The following POLA1 variants were observed in gnomAD, a reference collection of about 807,000 sequenced individuals.
POLA1 encodes the protein DNA polymerase alpha 1, catalytic subunit.
POLA1 carries 15 observed loss-of-function variants against 124.0 expected under a neutral mutation model. The observed-to-expected ratio is 0.12, with a 90% CI of 0.08 to 0.19. The LOEUF (loss-of-function observed/expected upper bound fraction) is 0.19. POLA1 is among the 10% of genes least tolerant of loss of function. The probability of loss-of-function intolerance (pLI) is 1.00; values close to 1 mark genes in which losing one functional copy is unlikely to be tolerated. For missense variants in POLA1, 886 were observed against 1,103.4 expected, an observed-to-expected ratio of 0.80 and a Z score of 2.79; for synonymous variants, 408 against 389.4, an observed-to-expected ratio of 1.05 and a Z score of -0.56.
intron 34 of POLA1, among the ~76,000 whole-genome samples, chrX:24,875,164 T>C (rs1232713961): frequency 1.8e-5 from 2 of 111,025 alleles, no homozygotes; most frequent in Non-Finnish European, 3.8e-5. Flanking sequence ...AAAAATCACA[T>C]TGGAACAGAA....
intron 36 of POLA1, among the ~76,000 whole-genome samples, chrX:24,978,058 C>T (rs751694678): frequency 1.8e-5 from 2 of 112,127 alleles, no homozygotes; most frequent in South Asian, 7.5e-4. Flanking sequence ...TACTATTTTC[C>T]TCTTTCTTGG....
chrX:24,896,044 C>T (rs938019428), intron 35 of POLA1, among the ~76,000 whole-genome samples: 1 of 111,784 alleles, frequency 8.9e-6, no homozygotes, highest in African/African-American at 3.3e-5. Flanking sequence ...CTTTGTAATC[C>T]CAGTGCTCCC....
intron 5 of POLA1, 75 bp downstream of exon 5, chrX:24,714,744 A>C (rs1929711322): frequency 1.8e-6 from 1 of 563,953 alleles, no homozygotes; most frequent in Non-Finnish European, 2.9e-6. Context: ...TACAGATAAC[A>C]GGTGCTCTGT....
intron 26 of POLA1, among the ~76,000 whole-genome samples, chrX:24,808,435 T>G (rs1207548987): frequency 8.9e-6 from 1 of 112,435 alleles, no homozygotes; most frequent in African/African-American, 3.2e-5. Context: ...GGAATTGCCA[T>G]GATTATCTTA....
At chrX:24,751,793 G>T (rs1932335820) in intron 26 of POLA1, among the ~76,000 whole-genome samples, 1 of 112,071 alleles carries the variant, frequency 8.9e-6, no homozygotes. Context: ...GAGGTAGGAG[G>T]AGTGAAGTGA....
At chrX:24,714,441 G>A (rs1929684944) in intron 4 of POLA1, 113 bp from the exon 5 acceptor site, 1 of 470,387 alleles carries the variant, frequency 2.1e-6, no homozygotes, top group African/African-American at 2.4e-5. Flanking sequence ...CAGGCATGAT[G>A]TATTTTTAAT....
chrX:24,827,162 C>T (rs1196385835), intron 32 of POLA1, among the ~76,000 whole-genome samples: 1 of 112,158 alleles, frequency 8.9e-6, no homozygotes, highest in Non-Finnish European at 1.9e-5. Context: ...CGAGGAGGTA[C>T]CAGCCAACCC....
intron 26 of POLA1, among the ~76,000 whole-genome samples, chrX:24,782,674 A>G (rs1360736401): frequency 1.8e-5 from 2 of 110,697 alleles, no homozygotes; most frequent in Non-Finnish European, 3.8e-5. Context: ...AGTCCCTTAT[A>G]GTGGTCCCCA....
chrX:24,819,738 T>C lies in POLA1; in HGVS notation c.3430-1714T>C, dbSNP rs746857015. 4.5e-5 allele frequency among the ~76,000 whole-genome samples: 5 copies of C among 111,382 alleles called. No homozygotes were observed. The East Asian group carries it at 8.4e-4, about 19-fold the overall frequency. On this transcript the variant is annotated intron_variant, in intron 30 of 36. Coordinates refer to ENST00000379068, the MANE Select transcript of POLA1 (RefSeq NM_001330360.2). Reference sequence around the variant, plus strand: ...GTGCCATGGTGGTTTGCTGCACTTATCAACCCGTCATCTAGGTTTTAAGCC... The same window carrying C: ...GTGCCATGGTGGTTTGCTGCACTTACCAACCCGTCATCTAGGTTTTAAGCC...
At chrX:24,980,513 C>A (rs2048409267) in intron 36 of POLA1, among the ~76,000 whole-genome samples, 1 of 112,163 alleles carries the variant, frequency 8.9e-6, no homozygotes. Context: ...GCAGTAGTTA[C>A]AATAAACACA....
intron 31 of POLA1, among the ~76,000 whole-genome samples, chrX:24,823,545 GCACGCGCCA>G (rs2046123361): frequency 9.0e-6 from 1 of 110,864 alleles, no homozygotes; most frequent in Non-Finnish European, 1.9e-5. Context: ...GGGATTACAG[GCACGCGCCA>G]CCATGCCCAG....
At chrX:24,702,966 G>C (rs1395464451) in intron 2 of POLA1, among the ~76,000 whole-genome samples, 1 of 112,116 alleles carries the variant, frequency 8.9e-6, no homozygotes, top group Non-Finnish European at 1.9e-5. Context: ...AATTCAGTTT[G>C]TTTTTTATGA....
intron 26 of POLA1, among the ~76,000 whole-genome samples, chrX:24,793,832 G>A (rs1468630703): frequency 9.1e-6 from 1 of 110,191 alleles, no homozygotes; most frequent in African/African-American, 3.3e-5. Flanking sequence ...TGATCCGCCC[G>A]CGCCAGTCTC....
At chrX:24,839,062 G>A (rs2046377755) in intron 32 of POLA1, among the ~76,000 whole-genome samples, 1 of 112,009 alleles carries the variant, frequency 8.9e-6, no homozygotes, top group African/African-American at 3.2e-5. Context: ...GACATTGTAT[G>A]TTTTCTTAAA....
chrX:24,717,250 C>T (rs767079017), intron 8 of POLA1, 40 bp from the exon 9 acceptor site: 23 of 1,114,437 alleles, frequency 2.1e-5, no homozygotes, highest in African/African-American at 1.8e-4. Flanking sequence ...TTTGTGTCAT[C>T]GCAATAACAC....
chrX:24,707,808 A>G (rs1928912398), intron 4 of POLA1, among the ~76,000 whole-genome samples: 1 of 111,768 alleles, frequency 8.9e-6, no homozygotes, highest in African/African-American at 3.3e-5. Flanking sequence ...AGCCTGGCCA[A>G]TATGGTGAAA....
intron 36 of POLA1, among the ~76,000 whole-genome samples, chrX:24,978,761 T>A (rs2147285265): frequency 8.9e-6 from 1 of 111,969 alleles, no homozygotes; most frequent in South Asian, 3.8e-4. Context: ...ATAACTACTG[T>A]GTGCACAAGG....
At chrX:24,810,520 G>A (rs966450701) in intron 27 of POLA1, among the ~76,000 whole-genome samples, 188 bp from the exon 28 acceptor site, 1 of 111,523 alleles carries the variant, frequency 9.0e-6, no homozygotes, top group African/African-American at 3.3e-5. Context: ...ATGTCAGGTT[G>A]CTTGCCTTTC....
At chrX:24,841,999 T>C (rs1359437942) in intron 33 of POLA1, 169 bp downstream of exon 33, 2 of 385,737 alleles carry the variant, frequency 5.2e-6, no homozygotes, top group African/African-American at 5.3e-5. Flanking sequence ...TTGCTTTTAT[T>C]TCTGTTTGAA....
Sources: allele counts gnomAD v4.1 joint callset (sites outside exome capture counted in the v4.1 genomes callset), GRCh38; gene constraint gnomAD v4.1.1; transcripts MANE v1.5; gene names NCBI Gene and HGNC (gene_info 2026-07-23, HGNC 2026-07-21).